Variants in ARMC2 observed in about 807,000 individuals in gnomAD.
The protein encoded by ARMC2 is armadillo repeat containing 2, also known as armadillo repeat-containing protein 2.
ARMC2 carries 67 observed loss-of-function variants against 90.3 expected under a neutral mutation model. The observed-to-expected ratio is 0.74, with a 90% CI of 0.61 to 0.91. The LOEUF (loss-of-function observed/expected upper bound fraction) is 0.91. ARMC2 is among the 40% of genes least tolerant of loss of function. ARMC2 has a pLI of 0.00. For missense variants in ARMC2, 920 were observed against 1,030.9 expected (o/e 0.89, Z 1.47); for synonymous variants, 393 against 393.0 (o/e 1.00, Z 0.00).
the ARMC2 span, among the ~76,000 whole-genome samples, chr6:108,985,666 T>TC: frequency 6.6e-6 from 1 of 152,224 alleles, no homozygotes. Flanking sequence ...TGTTTTGTGA[T>TC]CACTCTACTG....
the ARMC2 span, among the ~76,000 whole-genome samples, chr6:109,007,040 T>C: frequency 6.9e-4 from 105 of 152,296 alleles, 1 homozygote; most frequent in South Asian, 0.014. Flanking sequence ...TCTGTGAAGG[T>C]GTGGCTGGAA....
chr6:108,904,214 C>A lies in ARMC2; in HGVS notation c.848-16C>A. ...CTTAATTAGTAAGTGTTGCTTTACT[C>A]TCTTTGCTCTGACAGAAGAAAACAT... On this transcript the variant is annotated splice_polypyrimidine_tract_variant and intron_variant, in intron 7 of 17. Coordinates refer to ENST00000392644, the MANE Select transcript of ARMC2 (RefSeq NM_032131.6). 1 of 1,612,750 alleles carries A rather than the reference C, an allele frequency of 6.2e-7. No homozygotes were observed. The highest frequency in any genetic ancestry group is 1.1e-5 in the South Asian group (1 of 90,792).
chr6:108,904,266 A>C lies in ARMC2; in HGVS notation c.884A>C (p.Gln295Pro). The C allele has an allele frequency of 6.2e-7, 1 of 1,613,898 alleles. No individual in the cohort carries two copies. Among genetic ancestry groups the C allele is most frequent in the Non-Finnish European group, 8.5e-7 (1 of 1,179,828 alleles). Reference protein sequence around the residue: ...NIETVCAACTQLHHALEEGNM... With the variant: ...NIETVCAACTPLHHALEEGNM... The stretch of plus-strand genomic sequence containing the variant: ...GAAACGGTTTGTGCTGCTTGCACAC[A>C]ACTTCATCATGCTTTAGAGGAAGGA... Residue 295 changes from glutamine (Q) to proline (P), a missense_variant, in exon 8 of 18, where the codon CAA (glutamine) becomes CCA (proline). By Grantham distance (76) the Gln-to-Pro change is moderately conservative. Coordinates refer to ENST00000392644, the MANE Select transcript of ARMC2 (RefSeq NM_032131.6).
chr6:108,900,462 T>C (rs1260392698), intron 7 of ARMC2, among the ~76,000 whole-genome samples: 2 of 152,190 alleles, frequency 1.3e-5, no homozygotes, highest in African/African-American at 4.8e-5. Flanking sequence ...TCTGGAGCAG[T>C]GGTCATAGCC....
chr6:108,862,251 G>A (rs899325477), intron 3 of ARMC2, among the ~76,000 whole-genome samples: 1 of 145,312 alleles, frequency 6.9e-6, no homozygotes, highest in Non-Finnish European at 1.5e-5. Context: ...GGCTGAGGCA[G>A]GAGAATCACT....
Position 108,854,344 on chromosome 6 carries a change from G to C in ARMC2, c.77G>C (p.Ser26Thr), listed in dbSNP as rs762010883. The change falls in exon 2 of 18, where the codon AGT becomes ACT. Residue 26 changes from serine (S) to threonine (T), a missense_variant. Ser to Thr is a moderately conservative substitution (Grantham distance 58). Transcript: ENST00000392644. ...YQPSVSKQKT[S>T]AEIISEARNA... Reference sequence around the variant, plus strand: ...CCTTCAGTGTCCAAGCAGAAGACCAGTGCAGAAATCATAAGTGAAGCAAGA... The same window carrying C: ...CCTTCAGTGTCCAAGCAGAAGACCACTGCAGAAATCATAAGTGAAGCAAGA... The C allele has an allele frequency of 7.4e-6, 12 of 1,612,726 alleles. No individual in the cohort carries two copies. In the South Asian group the frequency reaches 1.3e-4, roughly 18 times the overall value.
chr6:108,913,360 A>G (rs1397397062), intron 10 of ARMC2, among the ~76,000 whole-genome samples: 1 of 152,190 alleles, frequency 6.6e-6, no homozygotes, highest in Non-Finnish European at 1.5e-5. Flanking sequence ...TGCCTTCAAG[A>G]TGCTTAAAAT....
intron 5 of ARMC2, among the ~76,000 whole-genome samples, chr6:108,889,362 T>C (rs946444575): frequency 1.3e-5 from 2 of 151,752 alleles, no homozygotes; most frequent in Middle Eastern, 3.2e-3. Context: ...GCCAGACTGG[T>C]CTCGAACTCC....
At chr6:108,932,685 C>T (rs1349181476) in intron 11 of ARMC2, among the ~76,000 whole-genome samples, 2 of 151,472 alleles carry the variant, frequency 1.3e-5, no homozygotes, top group East Asian at 1.9e-4. Flanking sequence ...CCCACCACCA[C>T]GCCCGGCTAA....
At chr6:108,954,934 C>T (rs761281779) in intron 13 of ARMC2, among the ~76,000 whole-genome samples, 5 of 152,204 alleles carry the variant, frequency 3.3e-5, no homozygotes, top group Non-Finnish European at 7.3e-5. Context: ...GAGATGCCGG[C>T]AGGGTCAGGG....
chr6:109,000,479 C>A, the ARMC2 span: 1 of 1,512,170 alleles, frequency 6.6e-7, no homozygotes, highest in Non-Finnish European at 8.9e-7. Context: ...GATATATTAC[C>A]CCACTGCTTA....
chr6:108,860,479 G>A (rs1775116704), intron 3 of ARMC2, among the ~76,000 whole-genome samples: 1 of 151,962 alleles, frequency 6.6e-6, no homozygotes, highest in Admixed American at 6.6e-5. Flanking sequence ...TGCCTAACAC[G>A]GTGAAACCCA....
At chr6:108,901,880 C>T (rs1339974068) in intron 7 of ARMC2, among the ~76,000 whole-genome samples, 3 of 152,194 alleles carry the variant, frequency 2.0e-5, no homozygotes, top group Admixed American at 6.5e-5. Context: ...ACGTCTCTTT[C>T]GTGATCTTGA....
chr6:109,025,748 A>G, the ARMC2 span, among the ~76,000 whole-genome samples: 1 of 152,120 alleles, frequency 6.6e-6, no homozygotes, highest in Non-Finnish European at 1.5e-5. Flanking sequence ...TAAACTAGAA[A>G]GTAAATCTGA....
chr6:108,985,773 A>T, the ARMC2 span, among the ~76,000 whole-genome samples: 1 of 152,306 alleles, frequency 6.6e-6, no homozygotes, highest in East Asian at 1.9e-4. Flanking sequence ...CTTGGGTTCA[A>T]TTGTATTGCT....
At chr6:109,000,722 A>G in the ARMC2 span, 1 of 1,337,504 alleles carries the variant, frequency 7.5e-7, no homozygotes, top group Non-Finnish European at 9.8e-7. Context: ...ACCTTGAACT[A>G]CATATCCTTT....
the ARMC2 span, among the ~76,000 whole-genome samples, chr6:109,032,118 A>G: frequency 6.6e-6 from 1 of 152,144 alleles, no homozygotes; most frequent in African/African-American, 2.4e-5. Flanking sequence ...AAAAATACAA[A>G]AAAATTAGCC....
chr6:108,991,829 A>C, the ARMC2 span, among the ~76,000 whole-genome samples: 1 of 152,182 alleles, frequency 6.6e-6, no homozygotes, highest in Non-Finnish European at 1.5e-5. Flanking sequence ...CCAATTTTAA[A>C]CATACACCAC....
chr6:108,933,817 CTTA>C (rs1180419533), intron 11 of ARMC2, among the ~76,000 whole-genome samples: 2 of 152,090 alleles, frequency 1.3e-5, no homozygotes, highest in East Asian at 3.9e-4. Flanking sequence ...ATAGATGGCA[CTTA>C]TTATTTTGAG....
Sources: gnomAD v4.1 joint callset for allele counts (sites outside exome capture counted in the v4.1 genomes callset) on GRCh38, gnomAD v4.1.1 for gene constraint, MANE v1.5 for transcripts, NCBI Gene and HGNC (gene_info 2026-07-23, HGNC 2026-07-21) for gene names.